Variants in EBF1 observed in about 807,000 individuals in gnomAD.
EBF1 encodes the protein transcription factor COE1.
A neutral mutation model predicts 68.4 loss-of-function variants in EBF1; 10 were observed. That is an observed-to-expected ratio of 0.15 (90% CI 0.09 to 0.25). The LOEUF is 0.25. Among genes scored for constraint, EBF1 ranks in the 10% least tolerant of loss-of-function variants. The pLI is 1.00. For missense variants in EBF1, 509 were observed against 794.4 expected (o/e 0.64, Z 4.32); for synonymous variants, 298 against 299.8 (o/e 0.99, Z 0.06).
rs554687949 is a variant in EBF1 at position 158,874,531 on chromosome 5, A to G, written c.555-34421T>C. ...CGAAACCAACCACGTGTTGGTTAACACTGAGACATACAAACTGATCAATAG... is the reference window on the plus strand; with the variant it reads ...CGAAACCAACCACGTGTTGGTTAACGCTGAGACATACAAACTGATCAATAG... On this transcript the variant is annotated intron_variant, in intron 6 of 15. Coordinates refer to ENST00000313708, the MANE Select transcript of EBF1 (RefSeq NM_024007.5). Among the ~76,000 whole-genome samples, 13 of 152,318 alleles carry G rather than the reference A, an allele frequency of 8.5e-5. No individual in the cohort carries two copies. In the East Asian group the frequency reaches 2.1e-3, roughly 25 times the overall value.
intron 6 of EBF1, among the ~76,000 whole-genome samples, chr5:158,993,844 G>A (rs1023016670): frequency 6.6e-6 from 1 of 152,160 alleles, no homozygotes; most frequent in Non-Finnish European, 1.5e-5. Context: ...AGACCTAAAG[G>A]ATTAAACAGA....
chr5:159,073,301 A>G (rs1472870149), intron 6 of EBF1, 95 bp downstream of exon 6: 24 of 1,317,850 alleles, frequency 1.8e-5, no homozygotes, highest in Non-Finnish European at 2.6e-5. Context: ...AATTTCAGCC[A>G]CATGCATTCC....
intron 10 of EBF1, among the ~76,000 whole-genome samples, chr5:158,745,237 T>C (rs986868035): frequency 2.0e-5 from 3 of 152,090 alleles, no homozygotes; most frequent in African/African-American, 7.2e-5. Flanking sequence ...CCTGACAGAG[T>C]GAACATTACA....
intron 6 of EBF1, among the ~76,000 whole-genome samples, chr5:159,008,519 CT>C (rs1764005341): frequency 1.4e-5 from 2 of 143,072 alleles, no homozygotes. Flanking sequence ...TTTTCTTTTT[CT>C]TTTCTTTTTT....
chr5:159,058,589 C>T (rs1422568854), intron 6 of EBF1, among the ~76,000 whole-genome samples: 1 of 152,188 alleles, frequency 6.6e-6, no homozygotes, highest in Non-Finnish European at 1.5e-5. Context: ...GAAAAGCCAC[C>T]TTCAAACTCC....
At chr5:158,803,731 C>T (rs555813196) in intron 8 of EBF1, among the ~76,000 whole-genome samples, 33 of 151,894 alleles carry the variant, frequency 2.2e-4, no homozygotes, top group Non-Finnish European at 4.4e-4. Context: ...GCCTTTATAA[C>T]ACTTATGCTG....
intron 6 of EBF1, among the ~76,000 whole-genome samples, chr5:158,916,627 G>C (rs1183751822): frequency 1.3e-5 from 2 of 152,210 alleles, no homozygotes; most frequent in Non-Finnish European, 2.9e-5. Flanking sequence ...AAGTGGCAGA[G>C]ATGGGATTTG....
chr5:158,700,838 C>CT (rs1026843710), intron 15 of EBF1, among the ~76,000 whole-genome samples: 8 of 152,100 alleles, frequency 5.3e-5, no homozygotes, highest in South Asian at 2.1e-4. Flanking sequence ...CCTCATAAGC[C>CT]TTTTTTTCTT....
intron 6 of EBF1, among the ~76,000 whole-genome samples, chr5:159,029,074 T>G (rs920969911): frequency 2.0e-5 from 3 of 152,002 alleles, no homozygotes; most frequent in African/African-American, 7.3e-5. Flanking sequence ...ATAAGCAAAA[T>G]AAGATCTCCA....
At chr5:158,772,301 C>T (rs368844116) in intron 10 of EBF1, among the ~76,000 whole-genome samples, 1 of 152,020 alleles carries the variant, frequency 6.6e-6, no homozygotes, top group Non-Finnish European at 1.5e-5. Context: ...AGGAGGTTTC[C>T]AAGAATGAGA....
chr5:158,770,582 TCTC>T (rs1773665619), intron 10 of EBF1, among the ~76,000 whole-genome samples: 1 of 152,062 alleles, frequency 6.6e-6, no homozygotes, highest in Admixed American at 6.6e-5. Context: ...GTCTCACAGT[TCTC>T]CTCCTCCCTC....
At chr5:158,941,999 G>A (rs980023363) in intron 6 of EBF1, among the ~76,000 whole-genome samples, 15 of 152,224 alleles carry the variant, frequency 9.9e-5, no homozygotes, top group Non-Finnish European at 2.9e-5. Context: ...CAAAAGGCAT[G>A]TGACTATTAG....
intron 8 of EBF1, among the ~76,000 whole-genome samples, chr5:158,811,064 G>A (rs781426620): frequency 6.6e-6 from 1 of 152,116 alleles, no homozygotes; most frequent in East Asian, 1.9e-4. Flanking sequence ...ATATTCATCT[G>A]ATAACAATGA....
chr5:158,777,416 T>C lies in EBF1; in HGVS notation c.1033A>G (p.Thr345Ala), dbSNP rs747548593. ...CACCATGTGCTGTGGTTCTTACCTG[T>C]ATAAATGAATCTGCCTGGTGTTCCT... ...CKGTPGRFIY[T>A]ALNEPTIDYG... Residue 345 changes from threonine (T) to alanine (A), a missense_variant, in exon 10 of 16, where the codon ACA (threonine) becomes GCA (alanine). By Grantham distance (58) the Thr-to-Ala change is moderately conservative. Transcript: ENST00000313708. The C allele has an allele frequency of 3.1e-6, 5 of 1,611,368 alleles. No individual in the cohort carries two copies. Among genetic ancestry groups the C allele is most frequent in the Admixed American group, 1.7e-5 (1 of 59,824 alleles).
chr5:159,095,668 C>G lies in EBF1; in HGVS notation c.363G>C (p.Arg121Ser). 1 of 1,614,000 alleles carries G rather than the reference C, an allele frequency of 6.2e-7. No individual in the cohort carries two copies. Among genetic ancestry groups the G allele is most frequent in the Non-Finnish European group, 8.5e-7 (1 of 1,179,944 alleles). The change falls in exon 4 of 16, where the codon AGG becomes AGC. Residue 121 changes from arginine (R) to serine (S), a missense_variant. By Grantham distance (110) the Arg-to-Ser change is moderately radical. Coordinates refer to ENST00000313708, the MANE Select transcript of EBF1 (RefSeq NM_024007.5). ...RLQLLYSNGI[R>S]TEQDFYVRLI... ...GGCGCACGTAGAAATCCTGCTCCGT[C>G]CTTATCCCTAGGGTTGGAAATGGGG... is the stretch of plus-strand genomic sequence containing the variant.
intron 6 of EBF1, among the ~76,000 whole-genome samples, chr5:158,941,952 T>A (rs1813517837): frequency 6.6e-6 from 1 of 152,212 alleles, no homozygotes; most frequent in Non-Finnish European, 1.5e-5. Flanking sequence ...GTGAATAGTT[T>A]CCCAGCTGAT....
At chr5:159,020,439 T>A (rs1305704502) in intron 6 of EBF1, among the ~76,000 whole-genome samples, 1 of 152,174 alleles carries the variant, frequency 6.6e-6, no homozygotes, top group African/African-American at 2.4e-5. Context: ...CTTTGCAGTA[T>A]CCGCCAAAGC....
intron 6 of EBF1, among the ~76,000 whole-genome samples, chr5:158,915,949 G>A (rs1221535820): frequency 6.6e-6 from 1 of 152,144 alleles, no homozygotes. Context: ...TCTCTCAAGA[G>A]CAAAGGTCTG....
chr5:158,918,033 C>A (rs1807597804), intron 6 of EBF1, among the ~76,000 whole-genome samples: 1 of 152,172 alleles, frequency 6.6e-6, no homozygotes, highest in African/African-American at 2.4e-5. Context: ...AGAGAGAAGG[C>A]AAGTGGCAGG....
Sources: gnomAD v4.1 joint callset for allele counts (sites outside exome capture counted in the v4.1 genomes callset) on GRCh38, gnomAD v4.1.1 for gene constraint, MANE v1.5 for transcripts, NCBI Gene and HGNC (gene_info 2026-07-23, HGNC 2026-07-21) for gene names.